Variants in TMCO5A observed in about 807,000 individuals in gnomAD.
The protein encoded by TMCO5A is transmembrane and coiled-coil domains 5A, also known as transmembrane and coiled-coil domain-containing protein 5A.
Under a neutral mutation model 42.3 loss-of-function variants are expected in TMCO5A, and 34 were observed. The observed-to-expected ratio is 0.80, with a 90% CI of 0.61 to 1.07. The LOEUF is 1.07. TMCO5A is among the 50% of genes least tolerant of loss of function. The probability of loss-of-function intolerance (pLI) is 0.00; values close to 1 mark genes in which losing one functional copy is unlikely to be tolerated. For missense variants in TMCO5A, 357 were observed against 327.9 expected (o/e 1.09, Z -0.69); for synonymous variants, 131 against 115.6 (o/e 1.13, Z -0.86).
chr15:38,018,940 A>C, the TMCO5A span, among the ~76,000 whole-genome samples: 17 of 152,306 alleles, frequency 1.1e-4, no homozygotes, highest in African/African-American at 3.8e-4. Context: ...TTATGAAGTT[A>C]TGTGGAAAAG....
At chr15:38,039,783 C>T in the TMCO5A span, among the ~76,000 whole-genome samples, 1 of 152,088 alleles carries the variant, frequency 6.6e-6, no homozygotes, top group Admixed American at 6.5e-5. Flanking sequence ...TGTTGCATAA[C>T]AAATTGCCAC....
chr15:37,984,865 C>T, the TMCO5A span: 2 of 151,342 alleles, frequency 1.3e-5, no homozygotes, highest in African/African-American at 4.8e-5. Flanking sequence ...TATAACTCAC[C>T]CTGTCTATGG....
the TMCO5A span, among the ~76,000 whole-genome samples, chr15:38,023,423 T>C: frequency 3.6e-3 from 548 of 152,346 alleles, 6 homozygotes; most frequent in South Asian, 0.027. Context: ...TGTTTTCTTA[T>C]ATGATCTTTT....
the TMCO5A span, among the ~76,000 whole-genome samples, chr15:38,039,241 A>G: frequency 6.6e-6 from 1 of 152,366 alleles, no homozygotes; most frequent in South Asian, 2.1e-4. Flanking sequence ...GTAAATTCCA[A>G]AAATAGAAGT....
intron 6 of TMCO5A, among the ~76,000 whole-genome samples, chr15:37,940,897 G>C (rs557354566): frequency 1.7e-4 from 26 of 152,228 alleles, no homozygotes; most frequent in African/African-American, 6.3e-4. Context: ...GGCTAAGTAA[G>C]AGTAGGAAGC....
rs1427632848 is a variant in TMCO5A at position 37,942,234 on chromosome 15, C to T, written c.548C>T (p.Ala183Val). 1.2e-6 allele frequency: 2 copies of T among 1,612,816 alleles called. No homozygotes were observed. The highest frequency in any genetic ancestry group is 2.7e-5 in the African/African-American group (2 of 74,838). ...TLKKIEEELEALFLEREVSKL... is the reference protein window; with the variant it reads ...TLKKIEEELEVLFLEREVSKL... ...AAGAAAATAGAAGAAGAACTAGAGG[C>T]TCTGTTCCTTGAGAGAGAAGTGTGA... The change falls in exon 9 of 12, where the codon GCT becomes GTT. Residue 183 changes from alanine (A) to valine (V), a missense_variant. Coordinates refer to ENST00000319669, the MANE Select transcript of TMCO5A (RefSeq NM_152453.4).
chr15:37,980,469 GTC>G, the TMCO5A span, among the ~76,000 whole-genome samples: 1 of 152,044 alleles, frequency 6.6e-6, no homozygotes. Flanking sequence ...TAGCTGTCCT[GTC>G]TCTCTCTTCT....
At chr15:38,007,708 A>C in the TMCO5A span, among the ~76,000 whole-genome samples, 6 of 152,114 alleles carry the variant, frequency 3.9e-5, no homozygotes, top group Admixed American at 3.9e-4. Flanking sequence ...GTGAACAAGT[A>C]AGTGCCATGA....
chr15:37,954,287 A>G (rs1355721831), downstream of TMCO5A, among the ~76,000 whole-genome samples: 2 of 152,166 alleles, frequency 1.3e-5, no homozygotes, highest in Non-Finnish European at 2.9e-5. Flanking sequence ...GGATAGAGAA[A>G]GGATCACAAA....
intron 9 of TMCO5A, 135 bp downstream of exon 9, chr15:37,942,390 G>C: frequency 1.3e-6 from 1 of 787,126 alleles, no homozygotes; most frequent in Admixed American, 2.3e-5. Flanking sequence ...CCCTCTGTTA[G>C]TGATCTGGTT....
chr15:38,023,204 C>CA, the TMCO5A span, among the ~76,000 whole-genome samples: 2,567 of 152,222 alleles, frequency 0.017, 63 homozygotes, highest in African/African-American at 0.057. Context: ...GATCATGATA[C>CA]AAAATAGAGT....
At chr15:38,014,625 G>A in the TMCO5A span, among the ~76,000 whole-genome samples, 117 of 152,034 alleles carry the variant, frequency 7.7e-4, 1 homozygote, top group East Asian at 0.015. Context: ...CATTCAGTGC[G>A]TGTGTGCACA....
chr15:37,993,083 TAC>T, the TMCO5A span, among the ~76,000 whole-genome samples: 1 of 152,210 alleles, frequency 6.6e-6, no homozygotes, highest in Non-Finnish European at 1.5e-5. Flanking sequence ...TTTATTTTTT[TAC>T]AGTTTCTATT....
chr15:38,009,224 C>T, the TMCO5A span, among the ~76,000 whole-genome samples: 1 of 152,178 alleles, frequency 6.6e-6, no homozygotes, highest in Non-Finnish European at 1.5e-5. Flanking sequence ...TCAGATTTCA[C>T]CTCTAGATCT....
chr15:37,959,948 C>T (rs1359671991), intron 11 of TMCO5A, among the ~76,000 whole-genome samples: 1 of 151,888 alleles, frequency 6.6e-6, no homozygotes, highest in African/African-American at 2.4e-5. Context: ...CCAAAAAAAA[C>T]TATTTAGAAC....
chr15:37,976,449 C>T, the TMCO5A span, among the ~76,000 whole-genome samples: 1 of 152,008 alleles, frequency 6.6e-6, no homozygotes, highest in Non-Finnish European at 1.5e-5. Context: ...TGAATGTTGG[C>T]CTCTCTAACA....
At chr15:38,031,665 A>G in the TMCO5A span, among the ~76,000 whole-genome samples, 1 of 152,202 alleles carries the variant, frequency 6.6e-6, no homozygotes, top group African/African-American at 2.4e-5. Flanking sequence ...TCAAATTACT[A>G]CAGCCCCAAC....
chr15:38,025,292 T>G, the TMCO5A span, among the ~76,000 whole-genome samples: 1 of 152,024 alleles, frequency 6.6e-6, no homozygotes, highest in Admixed American at 6.6e-5. Flanking sequence ...TTTCATGGTC[T>G]TTTGGCTAGA....
chr15:37,984,059 T>C, the TMCO5A span, among the ~76,000 whole-genome samples: 2 of 152,354 alleles, frequency 1.3e-5, no homozygotes, highest in African/African-American at 4.8e-5. Flanking sequence ...GTTGCTCATC[T>C]AACTCTTCTA....
Sources: allele counts gnomAD v4.1 joint callset (sites outside exome capture counted in the v4.1 genomes callset), GRCh38; gene constraint gnomAD v4.1.1; transcripts MANE v1.5; gene names NCBI Gene and HGNC (gene_info 2026-07-23, HGNC 2026-07-21).